Variants in PLCB1 observed in about 807,000 individuals in gnomAD.
PLCB1 encodes 1-phosphatidylinositol 4,5-bisphosphate phosphodiesterase beta-1.
Under a neutral mutation model 161.8 loss-of-function variants are expected in PLCB1, and 46 were observed. The ratio of observed to expected loss-of-function variants is 0.28; its 90% confidence interval spans 0.22 to 0.36. The LOEUF (loss-of-function observed/expected upper bound fraction) is 0.36, where lower values mean the gene tolerates loss of function less well. PLCB1 is among the 10% of genes least tolerant of loss of function. PLCB1 has a pLI of 1.00. For missense variants in PLCB1, 1,016 were observed against 1,472.5 expected, an observed-to-expected ratio of 0.69 and a Z score of 5.07; for synonymous variants, 517 against 503.7, an observed-to-expected ratio of 1.03 and a Z score of -0.35.
At chr20:8,863,595 C>T (rs903928598) in intron 31 of PLCB1, among the ~76,000 whole-genome samples, 1 of 152,202 alleles carries the variant, frequency 6.6e-6, no homozygotes. Flanking sequence ...TGCTGCTGTT[C>T]GGGAGACCTC....
chr20:8,676,411 AAGAG>A (rs1416412785), intron 9 of PLCB1, among the ~76,000 whole-genome samples: 4 of 149,972 alleles, frequency 2.7e-5, no homozygotes, highest in Admixed American at 2.6e-4. Flanking sequence ...GAAAGAAAGA[AAGAG>A]AAGAAAGAAA....
intron 3 of PLCB1, among the ~76,000 whole-genome samples, chr20:8,580,089 C>T (rs1321728556): frequency 2.0e-5 from 3 of 152,070 alleles, no homozygotes; most frequent in Non-Finnish European, 2.9e-5. Flanking sequence ...TATGTGGGCT[C>T]TGGATTGGTT....
intron 4 of PLCB1, among the ~76,000 whole-genome samples, chr20:8,643,544 G>T (rs367841113): frequency 6.6e-6 from 1 of 151,852 alleles, no homozygotes. Flanking sequence ...GCGTATTATC[G>T]GTGCCTTAAG....
At chr20:8,694,388 G>A (rs1000583916) in intron 10 of PLCB1, among the ~76,000 whole-genome samples, 1 of 152,088 alleles carries the variant, frequency 6.6e-6, no homozygotes, top group South Asian at 2.1e-4. Flanking sequence ...GATTCTGTTG[G>A]TCTTAGGTGG....
At chr20:8,777,320 A>C (rs1281157559) in intron 27 of PLCB1, among the ~76,000 whole-genome samples, 1 of 152,158 alleles carries the variant, frequency 6.6e-6, no homozygotes. Context: ...TCCTAGGAAG[A>C]AGCCGTCCCA....
At chr20:8,224,859 GT>G (rs1276455545) in intron 2 of PLCB1, among the ~76,000 whole-genome samples, 2 of 152,046 alleles carry the variant, frequency 1.3e-5, no homozygotes, top group East Asian at 3.9e-4. Flanking sequence ...GTTTCGTCTG[GT>G]TTTGAACTTC....
chr20:8,838,397 A>G (rs1986371702), intron 31 of PLCB1, among the ~76,000 whole-genome samples: 1 of 152,360 alleles, frequency 6.6e-6, no homozygotes, highest in African/African-American at 2.4e-5. Context: ...GTGGTCCACC[A>G]GGCAGAGTAG....
intron 2 of PLCB1, among the ~76,000 whole-genome samples, chr20:8,255,487 T>C (rs1046861822): frequency 2.0e-5 from 3 of 152,072 alleles, no homozygotes; most frequent in Non-Finnish European, 4.4e-5. Context: ...GCTTAGCAGT[T>C]ATTGTATTAC....
intron 2 of PLCB1, among the ~76,000 whole-genome samples, chr20:8,350,029 C>A (rs1036265173): frequency 2.1e-4 from 32 of 152,072 alleles, no homozygotes; most frequent in Admixed American, 2.1e-3. Context: ...AATGTACAAA[C>A]GTCTATTGTT....
At chr20:8,712,411 A>G (rs1424771764) in intron 12 of PLCB1, among the ~76,000 whole-genome samples, 1 of 152,228 alleles carries the variant, frequency 6.6e-6, no homozygotes, top group Admixed American at 6.5e-5. Context: ...GGAATCTGCT[A>G]TTAGCTGCTT....
At chr20:8,490,245 A>C (rs1982891012) in intron 3 of PLCB1, among the ~76,000 whole-genome samples, 1 of 152,218 alleles carries the variant, frequency 6.6e-6, no homozygotes, top group Non-Finnish European at 1.5e-5. Context: ...GAGCCAAAAA[A>C]ATTAAGAGCC....
At chr20:8,379,205 G>A (rs1987188601) in intron 3 of PLCB1, among the ~76,000 whole-genome samples, 2 of 151,752 alleles carry the variant, frequency 1.3e-5, no homozygotes, top group Non-Finnish European at 2.9e-5. Flanking sequence ...TGCAGTGTTT[G>A]ATTTTCTGTT....
At chr20:8,268,125 C>A (rs1361810429) in intron 2 of PLCB1, among the ~76,000 whole-genome samples, 4 of 152,080 alleles carry the variant, frequency 2.6e-5, no homozygotes, top group Admixed American at 1.3e-4. Context: ...TCTCCCCCCA[C>A]CTCATGACCG....
intron 2 of PLCB1, among the ~76,000 whole-genome samples, chr20:8,332,627 C>T (rs188304792): frequency 6.2e-4 from 94 of 152,284 alleles, no homozygotes; most frequent in Non-Finnish European, 1.2e-3. Context: ...TGAGATTACA[C>T]GTAGCCACTC....
intron 3 of PLCB1, among the ~76,000 whole-genome samples, chr20:8,564,995 G>C (rs551798195): frequency 6.6e-6 from 1 of 152,046 alleles, no homozygotes; most frequent in Non-Finnish European, 1.5e-5. Context: ...GGGTATATAC[G>C]CAAAGGATTA....
At chr20:8,442,409 C>T (rs1229868446) in intron 3 of PLCB1, among the ~76,000 whole-genome samples, 2 of 152,126 alleles carry the variant, frequency 1.3e-5, no homozygotes, top group African/African-American at 4.8e-5. Flanking sequence ...CTGTATGAAG[C>T]CTCTTTTATA....
rs1982245917 is a variant in PLCB1, at chr20:8,765,077, C to G, written c.2711-62C>G. The G allele has an allele frequency of 8.3e-6, 11 of 1,332,044 alleles. No homozygotes were observed. The Admixed American group carries it at 1.6e-4, about 20-fold the overall frequency. 82.5% of individuals were successfully genotyped at this position (1,332,044 alleles called of 1,614,324 possible). A position where few individuals can be genotyped will look rare whatever the true frequency, so the allele number is the denominator to read the frequency against. On this transcript the variant is annotated intron_variant, in intron 25 of 31. Coordinates refer to ENST00000338037, the MANE Select transcript of PLCB1 (RefSeq NM_015192.4). The stretch of plus-strand genomic sequence containing the variant: ...ATTTCTTCCTAAGAAGGTAGCCGCT[C>G]TTCTTTCCATCTGGATGTTCAGCCC...
chr20:8,247,109 C>T (rs1568604219), intron 2 of PLCB1, among the ~76,000 whole-genome samples: 1 of 151,932 alleles, frequency 6.6e-6, no homozygotes, highest in Non-Finnish European at 1.5e-5. Flanking sequence ...ACCACACTTC[C>T]TACACCTTTA....
chr20:8,298,408 GTGAC>G (rs2123315289), intron 2 of PLCB1, among the ~76,000 whole-genome samples: 1 of 151,954 alleles, frequency 6.6e-6, no homozygotes, highest in East Asian at 1.9e-4. Context: ...AAGAGTGCTT[GTGAC>G]TAGCAGATGC....
Sources: gnomAD v4.1 joint callset for allele counts (sites outside exome capture counted in the v4.1 genomes callset) on GRCh38, gnomAD v4.1.1 for gene constraint, MANE v1.5 for transcripts, NCBI Gene and HGNC (gene_info 2026-07-23, HGNC 2026-07-21) for gene names.